The following CPB2 variants were observed in gnomAD, a reference collection of about 807,000 sequenced individuals.
CPB2 encodes carboxypeptidase B2.
Under a neutral mutation model 57.0 loss-of-function variants are expected in CPB2, and 54 were observed. That is an observed-to-expected ratio of 0.95 (90% CI 0.76 to 1.19). The LOEUF (loss-of-function observed/expected upper bound fraction) is 1.19, where lower values mean the gene tolerates loss of function less well. CPB2 is among the 50% of genes most tolerant of loss of function. CPB2 has a pLI of 0.00. For synonymous variants in CPB2, 189 were observed against 178.1 expected (o/e 1.06, Z -0.49); for missense variants, 426 against 512.0 (o/e 0.83, Z 1.62).
chr13:46,097,761 G>A (rs1234815104), intron 1 of CPB2, among the ~76,000 whole-genome samples: 1 of 152,184 alleles, frequency 6.6e-6, no homozygotes, highest in Non-Finnish European at 1.5e-5. Flanking sequence ...CTACTAGGTA[G>A]TATACATGGT....
intron 6 of CPB2, among the ~76,000 whole-genome samples, chr13:46,070,970 T>G (rs1286845271): frequency 1.3e-5 from 2 of 152,182 alleles, no homozygotes; most frequent in Non-Finnish European, 2.9e-5. Flanking sequence ...ACAAAAAAAT[T>G]ACTTTAGACC....
rs935420592 is a variant in CPB2 at position 46,078,834 on chromosome 13, G to A, written c.452C>T (p.Ser151Phe). Residue 151 changes from serine to phenylalanine, a missense_variant, in exon 5 of 11, where the codon TCC becomes TTC. By Grantham distance (155) the Ser-to-Phe change is radical. Transcript: ENST00000181383. ...ATAGAGTGGGTACTTCTCAAATGAG[G>A]ATCCAATGTGGATTTTTGTAAGCAT... ...PDMLTKIHIG[S>F]SFEKYPLYVL... 37 of 1,611,488 alleles carry A rather than the reference G, an allele frequency of 2.3e-5. No individual in the cohort carries two copies. The highest frequency in any genetic ancestry group is 3.1e-5 in the Non-Finnish European group (36 of 1,177,984).
chr13:46,084,204 T>C lies in CPB2; in HGVS notation c.275+15A>G. 1 of 1,614,008 alleles carries C rather than the reference T, an allele frequency of 6.2e-7. No individual in the cohort carries two copies. Among genetic ancestry groups the C allele is most frequent in the South Asian group, 1.1e-5 (1 of 91,066 alleles). ...GTTTATAATAACTACTCAATACGTA[T>C]TGAACGGTGCCTACCTGCATGGAAT... is the stretch of plus-strand genomic sequence containing the variant. On this transcript the variant is annotated intron_variant, in intron 3 of 10. Transcript: ENST00000181383.
chr13:46,073,507 A>G, intron 6 of CPB2: 2 of 981,182 alleles, frequency 2.0e-6, no homozygotes, highest in Non-Finnish European at 1.2e-6. Context: ...AGATGTCTGG[A>G]TAATTAAAAC....
chr13:46,092,677 A>G (rs575399204), intron 1 of CPB2, among the ~76,000 whole-genome samples: 2 of 152,284 alleles, frequency 1.3e-5, no homozygotes, highest in East Asian at 3.9e-4. Context: ...GCATTTTTGG[A>G]AAAATGGCTC....
chr13:46,073,453 A>G (rs2044973570), intron 6 of CPB2: 1 of 977,688 alleles, frequency 1.0e-6, no homozygotes, highest in Non-Finnish European at 1.2e-6. Flanking sequence ...TCACCTCTGT[A>G]ATGTTGTGCT....
At chr13:46,072,727 A>G (rs1013135035) in intron 6 of CPB2, among the ~76,000 whole-genome samples, 5 of 152,272 alleles carry the variant, frequency 3.3e-5, no homozygotes, top group Admixed American at 2.0e-4. Context: ...TAGAGTCAAT[A>G]TGAATGGAGG....
chr13:46,094,101 C>T (rs2045332268), intron 1 of CPB2, among the ~76,000 whole-genome samples: 1 of 152,108 alleles, frequency 6.6e-6, no homozygotes, highest in African/African-American at 2.4e-5. Flanking sequence ...TGGTAACCCT[C>T]TCATCTCACC....
At chr13:46,070,453 G>A (rs1317752472) in intron 6 of CPB2, among the ~76,000 whole-genome samples, 1 of 152,054 alleles carries the variant, frequency 6.6e-6, no homozygotes, top group Non-Finnish European at 1.5e-5. Flanking sequence ...GGGTGGGATT[G>A]ATTCCCATCA....
At chr13:46,089,108 A>C (rs2045253423) in intron 1 of CPB2, among the ~76,000 whole-genome samples, 1 of 151,876 alleles carries the variant, frequency 6.6e-6, no homozygotes, top group South Asian at 2.1e-4. Context: ...AATTCAATTG[A>C]AAATTATTTG....
chr13:46,078,903 T>C lies in CPB2; in HGVS notation c.385-2A>G. ...TATAAATTCTATCCAAGAATAGATC[T>C]AGCAAAATGGAAACCAGAGGTTAGT... On this transcript the variant is annotated splice_acceptor_variant, in intron 4 of 10. Transcript: ENST00000181383. LOFTEE classifies it high-confidence loss of function. 6.3e-7 allele frequency: 1 copy of C among 1,584,634 alleles called. No individual in the cohort carries two copies. Among genetic ancestry groups the C allele is most frequent in the African/African-American group, 1.3e-5 (1 of 74,440 alleles).
chr13:46,074,628 C>G (rs1440120518), intron 5 of CPB2, among the ~76,000 whole-genome samples: 1 of 152,102 alleles, frequency 6.6e-6, no homozygotes, highest in African/African-American at 2.4e-5. Context: ...TCAAGAACAC[C>G]TCCAAAATTA....
intron 8 of CPB2, among the ~76,000 whole-genome samples, chr13:46,064,024 G>A (rs1345066842): frequency 6.6e-6 from 1 of 152,054 alleles, no homozygotes; most frequent in Non-Finnish European, 1.5e-5. Flanking sequence ...TTGGGAGGCC[G>A]AGGTGGGCGG....
Position 46,058,210 on chromosome 13 carries a change from G to C in CPB2, c.968C>G (p.Thr323Arg), listed in dbSNP as rs779491029. ...CTCATGGTCTTTGCTTTTACTTCGTGTATAGGAATATGGAAACACTATATG... is the reference window on the plus strand; with the variant it reads ...CTCATGGTCTTTGCTTTTACTTCGTCTATAGGAATATGGAAACACTATATG... ...SQHIVFPYSY[T>R]RSKSKDHEEL... is the part of the protein sequence containing the mutation. Residue 323 changes from threonine to arginine, a missense_variant, in exon 9 of 11, where the codon ACA becomes AGA. Coordinates refer to ENST00000181383, the MANE Select transcript of CPB2 (RefSeq NM_001872.5). 6.2e-7 allele frequency: 1 copy of C among 1,613,868 alleles called. No homozygotes were observed. The highest frequency in any genetic ancestry group is 1.7e-5 in the Admixed American group (1 of 60,020).
chr13:46,096,734 G>A (rs538903739), intron 1 of CPB2, among the ~76,000 whole-genome samples: 12 of 152,002 alleles, frequency 7.9e-5, no homozygotes, highest in Admixed American at 2.0e-4. Context: ...AGCTAATATC[G>A]CACCACTGCA....
chr13:46,098,658 C>T (rs770125246), intron 1 of CPB2: 3 of 152,406 alleles, frequency 2.0e-5, no homozygotes, highest in East Asian at 3.9e-4. Context: ...AACATGATGC[C>T]TCCTCCAAGG....
intron 1 of CPB2, among the ~76,000 whole-genome samples, chr13:46,094,586 G>A (rs937503018): frequency 6.6e-6 from 1 of 152,192 alleles, no homozygotes; most frequent in Non-Finnish European, 1.5e-5. Flanking sequence ...GTATAGAGAA[G>A]CCAGGCGGGA....
chr13:46,058,500 G>T, intron 8 of CPB2, 119 bp from the exon 9 acceptor site: 2 of 774,024 alleles, frequency 2.6e-6, no homozygotes, highest in South Asian at 1.7e-5. Flanking sequence ...AATGGATTAG[G>T]TAGGGCTCTG....
At chr13:46,089,876 C>T (rs1256913114) in intron 1 of CPB2, among the ~76,000 whole-genome samples, 1 of 152,174 alleles carries the variant, frequency 6.6e-6, no homozygotes, top group Non-Finnish European at 1.5e-5. Flanking sequence ...ATAAGCTGCA[C>T]CACTTAAGGT....
Sources: allele counts gnomAD v4.1 joint callset (sites outside exome capture counted in the v4.1 genomes callset), GRCh38; gene constraint gnomAD v4.1.1; transcripts MANE v1.5; gene names NCBI Gene and HGNC (gene_info 2026-07-23, HGNC 2026-07-21).